The following LLGL1 variants were observed in gnomAD, a reference collection of about 807,000 sequenced individuals.
LLGL1 encodes LLGL scribble cell polarity complex component 1.
A neutral mutation model predicts 110.6 loss-of-function variants in LLGL1; 58 were observed. The ratio of observed to expected loss-of-function variants is 0.52; its 90% CI spans 0.42 to 0.65. The LOEUF is 0.65. LLGL1 is among the 30% of genes least tolerant of loss of function. LLGL1 has a pLI of 0.00. For synonymous variants in LLGL1, 674 were observed against 607.2 expected (o/e 1.11, Z -1.62); for missense variants, 1,229 against 1,462.1 (o/e 0.84, Z 2.60).
intron 11 of LLGL1, chr17:18,235,957 T>G: frequency 4.5e-6 from 1 of 220,050 alleles, no homozygotes; most frequent in South Asian, 7.0e-5. Flanking sequence ...CTGACTCTGG[T>G]GTGCCCTTCC....
intron 1 of LLGL1, among the ~76,000 whole-genome samples, chr17:18,226,349 G>C (rs140504509): frequency 6.6e-6 from 1 of 152,022 alleles, no homozygotes; most frequent in Non-Finnish European, 1.5e-5. Context: ...GTCCCTGCTC[G>C]GCCCTTGGGA....
At chr17:18,237,930 C>A in intron 14 of LLGL1, 137 bp from the exon 15 acceptor site, 1 of 1,278,934 alleles carries the variant, frequency 7.8e-7, no homozygotes. Context: ...TTCTCAGTAC[C>A]ACCTGCAGCT....
At position 18,242,745 on chromosome 17, in the gene LLGL1, CCT is replaced by C; in HGVS notation, c.3122_3123del (p.Ser1041Ter). On this transcript the variant is annotated frameshift_variant, in exon 22 of 23. Transcript: ENST00000316843. LOFTEE classifies it high-confidence loss of function. ...TGAGCACCATCCCCATCTCGCAGCT[CCT>C]CTGAGGAGTCAGAGAAGAACCTGAG... 6.4e-7 allele frequency: 1 copy of C among 1,567,850 alleles called. No individual in the cohort carries two copies. The highest frequency in any genetic ancestry group is 8.7e-7 in the Non-Finnish European group (1 of 1,155,520).
rs528525757 is a variant in LLGL1, at chr17:18,241,708, T to C, written c.2760T>C (p.His920=). 3.1e-6 allele frequency: 5 copies of C among 1,612,760 alleles called. No homozygotes were observed. Among genetic ancestry groups the C allele is most frequent in the East Asian group, 2.2e-5 (1 of 44,858 alleles). The part of the protein sequence containing the change: ...SGIASCVFTR[H]GQGFYLISPS... The stretch of plus-strand genomic sequence containing the variant: ...TCGCTTCGTGCGTCTTTACGCGCCA[T>C]GGCCAGGGTGAGGCGGGGCAGAGGC... Residue 920 remains histidine, a synonymous_variant, in exon 18 of 23, where the codon CAT becomes CAC. Coordinates refer to ENST00000316843, the MANE Select transcript of LLGL1 (RefSeq NM_004140.4).
At position 18,241,541 on chromosome 17, in the gene LLGL1, T is replaced by G; in HGVS notation, c.2593T>G (p.Phe865Val). ...TGTGCGCAAGGTGGCACTGGCCACG[T>G]TTGCCAGTGTGGCCTGCGAGGACTA... ...CRVRKVALAT[F>V]ASVACEDYAE... is the part of the protein sequence containing the mutation. Residue 865 changes from phenylalanine (F) to valine (V), a missense_variant, in exon 18 of 23, where the codon TTT becomes GTT. Coordinates refer to ENST00000316843, the MANE Select transcript of LLGL1 (RefSeq NM_004140.4). 6.2e-7 allele frequency: 1 copy of G among 1,613,766 alleles called. No homozygotes were observed. The highest frequency in any genetic ancestry group is 8.5e-7 in the Non-Finnish European group (1 of 1,180,006).
In LLGL1 at chr17:18,237,540, A is replaced by G; in HGVS notation, c.1671A>G (p.Ile557Met). ...AGCAGGCGGTCAGCGTGGCCATCATAGACCTCCTCCAGGACCGCGAGGGCT... is the reference window on the plus strand; with the variant it reads ...AGCAGGCGGTCAGCGTGGCCATCATGGACCTCCTCCAGGACCGCGAGGGCT... Reference protein sequence around the residue: ...PVEQAVSVAIIDLLQDREGFT... With the variant: ...PVEQAVSVAIMDLLQDREGFT... Residue 557 changes from isoleucine (I) to methionine (M), a missense_variant, in exon 14 of 23, where the codon ATA becomes ATG. Ile to Met is a conservative substitution (Grantham distance 10). Transcript: ENST00000316843. 1 of 1,607,460 alleles carries G rather than the reference A, an allele frequency of 6.2e-7. No homozygotes were observed. The highest frequency in any genetic ancestry group is 8.5e-7 in the Non-Finnish European group (1 of 1,177,106).
chr17:18,240,977 C>A lies in LLGL1; in HGVS notation c.2502+104C>A. 8.2e-7 allele frequency: 1 copy of A among 1,221,480 alleles called. No individual in the cohort carries two copies. The highest frequency in any genetic ancestry group is 1.1e-6 in the Non-Finnish European group (1 of 895,950). 75.7% of individuals were successfully genotyped at this position (1,221,480 alleles called of 1,614,324 possible). On this transcript the variant is annotated intron_variant, in intron 17 of 22. Coordinates refer to ENST00000316843, the MANE Select transcript of LLGL1 (RefSeq NM_004140.4). The surrounding 1 kb of genome is among the most constrained non-coding windows in gnomAD (Gnocchi z 5.3). ...AGAAACCCTTCCTGCCTGTATCCCC[C>A]ACTGTTGGGACCCTAATTCCCTTGC... is the stretch of plus-strand genomic sequence containing the variant.
chr17:18,235,048 A>C (rs752491601), intron 9 of LLGL1, 41 bp from the exon 10 acceptor site: 1 of 1,613,630 alleles, frequency 6.2e-7, no homozygotes, highest in South Asian at 1.1e-5. Flanking sequence ...GCCCTCTGCC[A>C]CCTATGGCTG....
chr17:18,241,246 A>G, intron 17 of LLGL1: 1 of 638,678 alleles, frequency 1.6e-6, no homozygotes, highest in Non-Finnish European at 2.7e-6. Context: ...ATTTTGTCAC[A>G]GATCGAGAGA....
intron 22 of LLGL1, 59 bp downstream of exon 22, chr17:18,242,881 G>T: frequency 6.9e-7 from 1 of 1,451,016 alleles, no homozygotes; most frequent in African/African-American, 1.4e-5. Context: ...CCTTCAGCCC[G>T]TCTGGGTACC....
chr17:18,236,684 G>A lies in LLGL1; in HGVS notation c.1430G>A (p.Gly477Asp), dbSNP rs746693280. ...LRPLYKLSTA[G>D]LFQTDCEHAD... ...CCGCTCTATAAGCTGAGCACAGCTG[G>A]CCTCTTCCAGACAGACTGTGAGCAC... Residue 477 changes from glycine to aspartate, a missense_variant, in exon 12 of 23, where the codon GGC becomes GAC. Gly to Asp is a moderately conservative substitution (Grantham distance 94). Coordinates refer to ENST00000316843, the MANE Select transcript of LLGL1 (RefSeq NM_004140.4). 5 of 1,612,736 alleles carry A rather than the reference G, an allele frequency of 3.1e-6. No individual in the cohort carries two copies. Among genetic ancestry groups the A allele is most frequent in the African/African-American group, 2.7e-5 (2 of 75,042 alleles).
rs768859757 is a variant in LLGL1 at position 18,234,923 on chromosome 17, A to T, written c.990A>T (p.Thr330=). The part of the protein sequence containing the change: ...RHCVSVLRAE[T]LVTLDFTSRI... Reference sequence around the variant, plus strand: ...GTGTAAGTGTGCTTCGAGCCGAGACATTGGTGACGCTGGACTTCACTTCCC... The same window carrying T: ...GTGTAAGTGTGCTTCGAGCCGAGACTTTGGTGACGCTGGACTTCACTTCCC... Residue 330 remains threonine, a synonymous_variant, in exon 9 of 23, where the codon ACA becomes ACT. Coordinates refer to ENST00000316843, the MANE Select transcript of LLGL1 (RefSeq NM_004140.4). 2 of 1,614,082 alleles carry T rather than the reference A, an allele frequency of 1.2e-6. No individual in the cohort carries two copies. Among genetic ancestry groups the T allele is most frequent in the East Asian group, 2.2e-5 (1 of 44,870 alleles).
chr17:18,239,391 G>A (rs2047771134), intron 16 of LLGL1, among the ~76,000 whole-genome samples: 1 of 152,166 alleles, frequency 6.6e-6, no homozygotes, highest in South Asian at 2.1e-4. Flanking sequence ...TTGTACAATG[G>A]GAGAGTTTCA....
At chr17:18,235,334 G>T in intron 10 of LLGL1, 22 bp downstream of exon 10, 1 of 1,608,256 alleles carries the variant, frequency 6.2e-7, no homozygotes, top group Non-Finnish European at 8.5e-7. Context: ...GATCAGGGGG[G>T]TCTTACAGGG....
chr17:18,236,809 C>T (rs1219412190), intron 12 of LLGL1, 26 bp from the exon 13 acceptor site: 2 of 1,613,118 alleles, frequency 1.2e-6, no homozygotes, highest in East Asian at 2.2e-5. Context: ...CCCGCCTGGA[C>T]TCATTACTCC....
In LLGL1 at chr17:18,240,865, C is replaced by G. The variant is rs1445826394; in HGVS notation, c.2494C>G (p.Gln832Glu). Reference protein sequence around the residue: ...GHAVLIASEEQFKVFTLPKVS... With the variant: ...GHAVLIASEEEFKVFTLPKVS... ...CGCTGTGCTCATCGCATCTGAGGAG[C>G]AGTTCAAGGTGAGCCACTGTGGGCT... is the stretch of plus-strand genomic sequence containing the variant. Residue 832 changes from glutamine (Q) to glutamate (E), a missense_variant, in exon 17 of 23, where the codon CAG becomes GAG. Coordinates refer to ENST00000316843, the MANE Select transcript of LLGL1 (RefSeq NM_004140.4). This position sits in a 1 kb window ranked among gnomAD's most constrained non-coding sequence, Gnocchi z 5.3. 6.5e-7 allele frequency: 1 copy of G among 1,528,920 alleles called. No individual in the cohort carries two copies. Among genetic ancestry groups the G allele is most frequent in the Admixed American group, 2.0e-5 (1 of 50,948 alleles). The allele number at this position is 1,528,920 out of a possible 1,614,324, so 94.7% of individuals were successfully genotyped here. A position where few individuals can be genotyped will look rare whatever the true frequency, so the allele number is the denominator to read the frequency against.
At chr17:18,229,843 C>T (rs2047529503) in intron 1 of LLGL1, 98 bp from the exon 2 acceptor site, 7 of 756,388 alleles carry the variant, frequency 9.3e-6, no homozygotes, top group Non-Finnish European at 1.5e-5. Context: ...AGTGTGTCAG[C>T]TGCAGACCCT....
intron 20 of LLGL1, 96 bp from the exon 21 acceptor site, chr17:18,242,412 C>G (rs533406077): frequency 1.3e-6 from 2 of 1,573,484 alleles, no homozygotes; most frequent in East Asian, 2.2e-5. Context: ...GGTGCCACCC[C>G]TCACCATGGG....
Position 18,241,955 on chromosome 17 carries a change from C to G in LLGL1, c.2838C>G (p.Leu946=). 2.5e-6 allele frequency: 4 copies of G among 1,614,186 alleles called. No individual in the cohort carries two copies. Among genetic ancestry groups the G allele is most frequent in the African/African-American group, 1.3e-5 (1 of 75,062 alleles). ...SLSARNITEP[L]CSLDINWPRD... ...GTGCCCGGAACATCACAGAGCCGCT[C>G]TGCTCTCTGGACATTAACTGGCCCC... The change falls in exon 19 of 23, where the codon CTC becomes CTG. Residue 946 remains leucine (L), a synonymous_variant. Coordinates refer to ENST00000316843, the MANE Select transcript of LLGL1 (RefSeq NM_004140.4).
Sources: gnomAD v4.1 joint callset for allele counts (sites outside exome capture counted in the v4.1 genomes callset) on GRCh38, gnomAD v4.1.1 for gene constraint, Gnocchi (gnomAD v3.1) non-coding constraint, MANE v1.5 for transcripts, NCBI Gene and HGNC (gene_info 2026-07-23, HGNC 2026-07-21) for gene names.